The following MYO7B variants were observed in gnomAD, a reference collection of about 807,000 sequenced individuals.
MYO7B encodes the protein unconventional myosin-VIIb.
A neutral mutation model predicts 259.7 loss-of-function variants in MYO7B; 212 were observed. The ratio of observed to expected loss-of-function variants is 0.82; its 90% CI spans 0.73 to 0.91. The LOEUF is 0.91. Among genes scored for constraint, MYO7B ranks in the 40% least tolerant of loss-of-function variants. The pLI, the probability that MYO7B is intolerant of heterozygous loss-of-function variation, is 0.00. For synonymous variants in MYO7B, 1,197 were observed against 1,166.4 expected, an observed-to-expected ratio of 1.03 and a Z score of -0.54; for missense variants, 2,732 against 2,813.5, an observed-to-expected ratio of 0.97 and a Z score of 0.66.
At position 127,613,770 on chromosome 2, in the gene MYO7B, C is replaced by T. The variant is rs547939183; in HGVS notation, c.3398+1167C>T. On this transcript the variant is annotated intron_variant, in intron 26 of 47. Coordinates refer to ENST00000409816, the MANE Select transcript of MYO7B (RefSeq NM_001393586.1). The surrounding 1 kb of genome is among the most constrained non-coding windows in gnomAD (Gnocchi z 4.3). ...GGCAACTACCTTGGCTGGACTCAAACTCTGTCTCCTCCATGATGAGCAGAA... is the reference window on the plus strand; with the variant it reads ...GGCAACTACCTTGGCTGGACTCAAATTCTGTCTCCTCCATGATGAGCAGAA... Among the ~76,000 whole-genome samples the T allele has an allele frequency of 2.6e-5, 4 of 152,358 alleles. No homozygotes were observed. In the South Asian group the frequency reaches 6.2e-4, roughly 24 times the overall value.
chr2:127,630,479 A>AGGGGAGCT (rs375703745), intron 35 of MYO7B, among the ~76,000 whole-genome samples: 37 of 152,266 alleles, frequency 2.4e-4, no homozygotes, highest in Middle Eastern at 6.8e-3. Flanking sequence ...CCCATGGAGA[A>AGGGGAGCT]GGGGAGCTGG....
rs1383183515 is a variant in MYO7B, at chr2:127,586,389, G to A, written c.1690+1476G>A. On this transcript the variant is annotated intron_variant, in intron 14 of 47. Transcript: ENST00000409816. This position sits in a 1 kb window ranked among gnomAD's most constrained non-coding sequence, Gnocchi z 4.8. ...GTCACTCTCTGCCCCTCATGTGGAG[G>A]AATGAGGAGGTGTTCTGGTCTATTT... Among the ~76,000 whole-genome samples, 1 of 152,226 alleles carries A rather than the reference G, an allele frequency of 6.6e-6. No homozygotes were observed. Among genetic ancestry groups the A allele is most frequent in the African/African-American group, 2.4e-5 (1 of 41,462 alleles).
Position 127,609,868 on chromosome 2 carries a change from A to G in MYO7B, c.3044A>G (p.Asn1015Ser). Reference protein sequence around the residue: ...TDCLAALVIWNVILRFMGDLP... With the variant: ...TDCLAALVIWSVILRFMGDLP... ...CCCCAGGCCGCCCTGGTCATATGGA[A>G]CGTCATCCTGAGGTTCATGGGTGAT... Residue 1015 changes from asparagine (N) to serine (S), a missense_variant, in exon 24 of 48, where the codon AAC becomes AGC. By Grantham distance (46) the Asn-to-Ser change is conservative. This residue lies in a region of MYO7B where 1,906 missense variants were observed against 2,026.4 expected (regional missense o/e 0.94). Coordinates refer to ENST00000409816, the MANE Select transcript of MYO7B (RefSeq NM_001393586.1). This position sits in a 1 kb window ranked among gnomAD's most constrained non-coding sequence, Gnocchi z 6.9. 6.2e-7 allele frequency: 1 copy of G among 1,613,038 alleles called. No homozygotes were observed. The highest frequency in any genetic ancestry group is 8.5e-7 in the Non-Finnish European group (1 of 1,179,492).
chr2:127,576,763 T>C lies in MYO7B; in HGVS notation c.849+55T>C. ...GCCAGTGGAAGGGAGGAAAAAGAGCTTGTGCCGCTCCACCCTCCGCGACAG... is the reference window on the plus strand; with the variant it reads ...GCCAGTGGAAGGGAGGAAAAAGAGCCTGTGCCGCTCCACCCTCCGCGACAG... On this transcript the variant is annotated intron_variant, in intron 8 of 47. Transcript: ENST00000409816. The surrounding 1 kb of genome is among the most constrained non-coding windows in gnomAD (Gnocchi z 4.9). 7.7e-7 allele frequency: 1 copy of C among 1,297,800 alleles called. No individual in the cohort carries two copies. Among genetic ancestry groups the C allele is most frequent in the Non-Finnish European group, 1.1e-6 (1 of 912,538 alleles). 80.4% of individuals were successfully genotyped at this position (1,297,800 alleles called of 1,614,324 possible).
chr2:127,588,226 T>C (rs1366176718), intron 14 of MYO7B, among the ~76,000 whole-genome samples, 166 bp from the exon 15 acceptor site: 1 of 151,030 alleles, frequency 6.6e-6, no homozygotes, highest in Admixed American at 6.6e-5. Flanking sequence ...GGGTAGATGG[T>C]GGGGGCCATG....
chr2:127,622,115 G>A lies in MYO7B; in HGVS notation c.3645+14G>A, dbSNP rs1680867682. Reference sequence around the variant, plus strand: ...CTGGAGCTGCAGGTAGGGGCTGGCAGGGGTGAGAGCGGGCAGGGTGGGGTG... The same window carrying A: ...CTGGAGCTGCAGGTAGGGGCTGGCAAGGGTGAGAGCGGGCAGGGTGGGGTG... On this transcript the variant is annotated intron_variant, in intron 28 of 47. Transcript: ENST00000409816. 2 of 1,547,222 alleles carry A rather than the reference G, an allele frequency of 1.3e-6. No individual in the cohort carries two copies. The highest frequency in any genetic ancestry group is 2.0e-5 in the Admixed American group (1 of 50,812).
Position 127,620,376 on chromosome 2 carries a change from G to A in MYO7B, c.3435G>A (p.Ser1145=), listed in dbSNP as rs201634661. Residue 1145 remains serine, a synonymous_variant, in exon 27 of 48, where the codon TCG becomes TCA. Coordinates refer to ENST00000409816, the MANE Select transcript of MYO7B (RefSeq NM_001393586.1). ...ACTGCCAGATCTGCAAGCAGCTCTC[G>A]GAGAACTTCAAAACAAGCAGCCTGG... The part of the protein sequence containing the change: ...EIYCQICKQL[S]ENFKTSSLAR... 4.2e-5 allele frequency: 67 copies of A among 1,612,818 alleles called. No individual in the cohort carries two copies. Among genetic ancestry groups the A allele is most frequent in the African/African-American group, 1.2e-4 (9 of 75,008 alleles).
chr2:127,612,015 GTC>G, intron 24 of MYO7B, among the ~76,000 whole-genome samples: 1 of 152,298 alleles, frequency 6.6e-6, no homozygotes, highest in African/African-American at 2.4e-5. Context: ...CTTTTGTCTA[GTC>G]TCTTGCCTTC....
intron 1 of MYO7B, among the ~76,000 whole-genome samples, chr2:127,556,823 C>A (rs1232788064): frequency 6.6e-6 from 1 of 152,166 alleles, no homozygotes; most frequent in Non-Finnish European, 1.5e-5. Flanking sequence ...TCTTAAGATT[C>A]TTTCCTTTGT....
chr2:127,627,108 A>AG lies in MYO7B; in HGVS notation c.4333+21dup. On this transcript the variant is annotated intron_variant, in intron 32 of 47. Transcript: ENST00000409816. The surrounding 1 kb of genome is among the most constrained non-coding windows in gnomAD (Gnocchi z 5.6). Reference sequence around the variant, plus strand: ...ACACTCTCAGGTAATGGCATCTGACAGGGGGCAGGGAGCAGGTATGGGCTG... The same window carrying AG: ...ACACTCTCAGGTAATGGCATCTGACAGGGGGGCAGGGAGCAGGTATGGGCTG... 1 of 1,607,698 alleles carries AG rather than the reference A, an allele frequency of 6.2e-7. No individual in the cohort carries two copies. The highest frequency in any genetic ancestry group is 8.5e-7 in the Non-Finnish European group (1 of 1,177,388).
chr2:127,550,483 C>T (rs1393444509), intron 1 of MYO7B, among the ~76,000 whole-genome samples: 2 of 151,750 alleles, frequency 1.3e-5, no homozygotes, highest in Non-Finnish European at 1.5e-5. Flanking sequence ...CCCTTGAACC[C>T]GGGAGACAGA....
At chr2:127,604,421 ATCT>A (rs1009028726) in intron 19 of MYO7B, among the ~76,000 whole-genome samples, 9 of 152,252 alleles carry the variant, frequency 5.9e-5, no homozygotes, top group African/African-American at 1.2e-4. Context: ...GGCTGGTTTG[ATCT>A]TCTATCCAGT....
intron 1 of MYO7B, among the ~76,000 whole-genome samples, chr2:127,543,072 C>G (rs1308963198): frequency 6.6e-6 from 1 of 152,184 alleles, no homozygotes; most frequent in Middle Eastern, 3.2e-3. Context: ...CCTCTTATCT[C>G]AACTGCAAAG....
chr2:127,545,912 C>A (rs1693210783), intron 1 of MYO7B, among the ~76,000 whole-genome samples: 1 of 152,188 alleles, frequency 6.6e-6, no homozygotes, highest in South Asian at 2.1e-4. Flanking sequence ...CAACTGGGGC[C>A]CACTGACCAG....
In MYO7B at chr2:127,584,448, C is replaced by A; in HGVS notation, c.1554+116C>A. The A allele has an allele frequency of 8.7e-7, 1 of 1,146,856 alleles. No homozygotes were observed. The highest frequency in any genetic ancestry group is 1.2e-6 in the Non-Finnish European group (1 of 808,770). The allele number at this position is 1,146,856 out of a possible 1,614,324, so 71.0% of individuals were successfully genotyped here. A position where few individuals can be genotyped will look rare whatever the true frequency, so the allele number is the denominator to read the frequency against. On this transcript the variant is annotated intron_variant, in intron 13 of 47. Transcript: ENST00000409816. This position sits in a 1 kb window ranked among gnomAD's most constrained non-coding sequence, Gnocchi z 5.8. ...GTTCTGAGAGTCACTAAAACCTCTG[C>A]CAGGAATAAGCAGAAGAGCCTCAGT...
At chr2:127,635,506 C>G in intron 43 of MYO7B, 1 of 650,100 alleles carries the variant, frequency 1.5e-6, no homozygotes, top group South Asian at 1.9e-5. Context: ...GCAGGGCCAA[C>G]CACATGGGTG....
In MYO7B at chr2:127,538,463, G is replaced by A. The variant is rs999726708; in HGVS notation, c.-24+2632G>A. On this transcript the variant is annotated intron_variant, in intron 1 of 47. Transcript: ENST00000409816. ...ACATGTGGCTAGTGGCTACCATATCGGACAGTGCAACCTAGAGGGTCTTGC... is the reference window on the plus strand; with the variant it reads ...ACATGTGGCTAGTGGCTACCATATCAGACAGTGCAACCTAGAGGGTCTTGC... Among the ~76,000 whole-genome samples the A allele has an allele frequency of 5.9e-5, 9 of 152,074 alleles. No homozygotes were observed. The East Asian group carries it at 9.6e-4, about 16-fold the overall frequency.
chr2:127,603,578 G>A (rs1298635806), intron 19 of MYO7B, among the ~76,000 whole-genome samples: 1 of 152,202 alleles, frequency 6.6e-6, no homozygotes, highest in African/African-American at 2.4e-5. Context: ...ATAAATAGAT[G>A]TGCTGTCACC....
chr2:127,571,798 T>C (rs1678642271), intron 6 of MYO7B, among the ~76,000 whole-genome samples: 1 of 152,002 alleles, frequency 6.6e-6, no homozygotes, highest in Admixed American at 6.6e-5. Flanking sequence ...GTTTTAAGAG[T>C]TCGTTCTGTG....
Sources: gnomAD v4.1 joint callset for allele counts (sites outside exome capture counted in the v4.1 genomes callset) on GRCh38, gnomAD v4.1.1 for gene constraint, gnomAD v4.1.1 regional missense constraint, Gnocchi (gnomAD v3.1) non-coding constraint, MANE v1.5 for transcripts, NCBI Gene and HGNC (gene_info 2026-07-23, HGNC 2026-07-21) for gene names.